Variants in NTRK3 observed in about 807,000 individuals in gnomAD.
NTRK3 encodes neurotrophic receptor tyrosine kinase 3.
NTRK3 carries 24 observed loss-of-function variants against 91.7 expected under a neutral mutation model. The ratio of observed to expected loss-of-function variants is 0.26; its 90% CI spans 0.19 to 0.37. NTRK3 has a LOEUF of 0.37. Ranked by LOEUF, NTRK3 falls within the 10% of genes least tolerant of loss-of-function variation. The pLI, the probability that NTRK3 is intolerant of heterozygous loss-of-function variation, is 1.00. For missense variants in NTRK3, 880 were observed against 1,068.9 expected, an observed-to-expected ratio of 0.82 and a Z score of 2.46; for synonymous variants, 483 against 404.0, an observed-to-expected ratio of 1.20 and a Z score of -2.34.
intron 5 of NTRK3, among the ~76,000 whole-genome samples, chr15:88,153,870 C>T (rs1026043486): frequency 6.6e-6 from 1 of 151,962 alleles, no homozygotes; most frequent in Admixed American, 6.6e-5. Context: ...GCCCTGCCTC[C>T]TAATACCATC....
At chr15:87,892,110 A>ACACG (rs1555430916) in intron 17 of NTRK3, among the ~76,000 whole-genome samples, 1 of 151,326 alleles carries the variant, frequency 6.6e-6, no homozygotes, top group African/African-American at 2.4e-5. Flanking sequence ...ACACACACAC[A>ACACG]CACGCACGCA....
At chr15:87,977,835 A>G (rs2073861078) in intron 14 of NTRK3, 1 of 232,716 alleles carries the variant, frequency 4.3e-6, no homozygotes, top group South Asian at 1.8e-4. Context: ...ACGAAGAACC[A>G]CCATCCACAG....
At chr15:87,988,104 A>G (rs1406357290) in intron 14 of NTRK3, among the ~76,000 whole-genome samples, 1 of 152,212 alleles carries the variant, frequency 6.6e-6, no homozygotes, top group Non-Finnish European at 1.5e-5. Flanking sequence ...ACACCATCTC[A>G]GCCAGGTAAT....
At chr15:88,028,596 G>C (rs1178224618) in intron 14 of NTRK3, among the ~76,000 whole-genome samples, 1 of 152,144 alleles carries the variant, frequency 6.6e-6, no homozygotes, top group East Asian at 1.9e-4. Context: ...AACCAGGATG[G>C]AGACAGGCCA....
chr15:87,901,753 G>T (rs749777819), intron 17 of NTRK3, among the ~76,000 whole-genome samples: 3 of 147,768 alleles, frequency 2.0e-5, no homozygotes, highest in Non-Finnish European at 4.4e-5. Context: ...AAGGAAGGAG[G>T]AAAGTTGGGG....
intron 13 of NTRK3, among the ~76,000 whole-genome samples, chr15:88,056,817 C>A (rs991140275): frequency 4.6e-5 from 7 of 152,182 alleles, no homozygotes; most frequent in African/African-American, 1.7e-4. Flanking sequence ...GTGACAAAGT[C>A]CCTTCTGATG....
intron 15 of NTRK3, 96 bp downstream of exon 15, chr15:87,940,527 T>C (rs2069728220): frequency 1.3e-6 from 2 of 1,581,140 alleles, no homozygotes; most frequent in Non-Finnish European, 1.7e-6. Flanking sequence ...GAAAGCCAAT[T>C]GAGCACTATC....
At chr15:87,911,786 T>C (rs1283849944) in intron 17 of NTRK3, among the ~76,000 whole-genome samples, 1 of 152,236 alleles carries the variant, frequency 6.6e-6, no homozygotes, top group Non-Finnish European at 1.5e-5. Flanking sequence ...TCCTGGTTTA[T>C]GTCATTTAAT....
At chr15:87,931,286 C>T in intron 16 of NTRK3, 1 of 506,912 alleles carries the variant, frequency 2.0e-6, no homozygotes, top group Non-Finnish European at 3.9e-6. Flanking sequence ...CCCTTTGGGC[C>T]CCAGGGGAAC....
intron 17 of NTRK3, among the ~76,000 whole-genome samples, chr15:87,922,190 T>C (rs937049532): frequency 2.0e-5 from 3 of 152,222 alleles, no homozygotes; most frequent in Non-Finnish European, 4.4e-5. Flanking sequence ...ACTGGCTCTC[T>C]TCAGTACACT....
chr15:87,901,083 T>C (rs1226903633), intron 17 of NTRK3, among the ~76,000 whole-genome samples: 3 of 152,176 alleles, frequency 2.0e-5, no homozygotes. Flanking sequence ...ATGAAAGAGA[T>C]GGAGGAGCTG....
chr15:87,958,144 T>C (rs2071870449), intron 14 of NTRK3, among the ~76,000 whole-genome samples: 1 of 152,192 alleles, frequency 6.6e-6, no homozygotes, highest in Non-Finnish European at 1.5e-5. Flanking sequence ...AAATTAGTGA[T>C]TTCAGGGGCA....
chr15:88,131,516 C>G (rs999234040), intron 10 of NTRK3, among the ~76,000 whole-genome samples: 1 of 152,212 alleles, frequency 6.6e-6, no homozygotes, highest in Admixed American at 6.5e-5. Context: ...CTCTTCTCAA[C>G]AGCAGGTGAC....
At chr15:88,082,294 AAG>A (rs1402594369) in intron 13 of NTRK3, among the ~76,000 whole-genome samples, 8 of 151,240 alleles carry the variant, frequency 5.3e-5, no homozygotes, top group Admixed American at 5.3e-4. Flanking sequence ...AAAAAAAAAA[AAG>A]AGGTTCACCT....
intron 13 of NTRK3, among the ~76,000 whole-genome samples, chr15:88,109,533 T>C (rs1432307757): frequency 6.6e-5 from 10 of 152,090 alleles, no homozygotes; most frequent in Non-Finnish European, 1.2e-4. Context: ...AGAGACGTCG[T>C]GGGAGCCCAA....
chr15:88,147,169 G>C (rs928635389), intron 6 of NTRK3, among the ~76,000 whole-genome samples, 166 bp downstream of exon 6: 1 of 152,116 alleles, frequency 6.6e-6, no homozygotes, highest in Non-Finnish European at 1.5e-5. Flanking sequence ...AAGCAAAAGG[G>C]TTAATTGCTC....
chr15:88,154,110 C>CAAAA (rs397736752), intron 5 of NTRK3, among the ~76,000 whole-genome samples: 2,687 of 86,484 alleles, frequency 0.031, 125 homozygotes, highest in African/African-American at 0.099. Flanking sequence ...ATAGACTTTG[C>CAAAA]AAAAAAAAAA....
intron 13 of NTRK3, among the ~76,000 whole-genome samples, chr15:88,052,340 T>C (rs1436321563): frequency 6.6e-6 from 1 of 152,194 alleles, no homozygotes; most frequent in African/African-American, 2.4e-5. Flanking sequence ...AATAGGAAGC[T>C]ATGGCTCCAA....
chr15:88,095,080 G>A (rs552170939), intron 13 of NTRK3, among the ~76,000 whole-genome samples: 8 of 152,280 alleles, frequency 5.3e-5, no homozygotes, highest in South Asian at 2.1e-4. Flanking sequence ...ACCTGTGATC[G>A]TGAGCCCAGA....
Sources: gnomAD v4.1 joint callset for allele counts (sites outside exome capture counted in the v4.1 genomes callset) on GRCh38, gnomAD v4.1.1 for gene constraint, MANE v1.5 for transcripts, NCBI Gene and HGNC (gene_info 2026-07-23, HGNC 2026-07-21) for gene names.